Variants in C2orf49 observed in about 807,000 individuals in gnomAD.
C2orf49 encodes the protein tRNA-splicing ligase complex subunit ASW.
Under a neutral mutation model 20.6 loss-of-function variants are expected in C2orf49, and 11 were observed. That is an observed-to-expected ratio of 0.53 (90% CI 0.34 to 0.88). The LOEUF is 0.88. Among genes scored for constraint, C2orf49 ranks in the 40% least tolerant of loss-of-function variants. C2orf49 has a pLI of 0.02. For synonymous variants in C2orf49, 134 were observed against 108.5 expected (o/e 1.24, Z -1.46); for missense variants, 289 against 274.2 (o/e 1.05, Z -0.38).
chr2:105,364,981 C>T, the C2orf49 span, among the ~76,000 whole-genome samples: 10 of 152,172 alleles, frequency 6.6e-5, no homozygotes, highest in African/African-American at 1.7e-4. Flanking sequence ...ACACCAAACA[C>T]GCTTGGTTGC....
chr2:105,343,682 T>C (rs1679734710), intron 3 of C2orf49, among the ~76,000 whole-genome samples: 1 of 152,208 alleles, frequency 6.6e-6, no homozygotes, highest in African/African-American at 2.4e-5. Context: ...TTTTAAGATT[T>C]ACCACTTGCC....
At chr2:105,381,453 C>T in the C2orf49 span, among the ~76,000 whole-genome samples, 1 of 152,108 alleles carries the variant, frequency 6.6e-6, no homozygotes, top group Non-Finnish European at 1.5e-5. Context: ...CTTCGCGCAG[C>T]TTGTCAAAGG....
chr2:105,365,120 A>T, the C2orf49 span, among the ~76,000 whole-genome samples: 1 of 152,158 alleles, frequency 6.6e-6, no homozygotes, highest in Non-Finnish European at 1.5e-5. Context: ...GCCTCTGAGC[A>T]TAGCATGACT....
At chr2:105,362,750 C>G in the C2orf49 span, among the ~76,000 whole-genome samples, 2 of 152,188 alleles carry the variant, frequency 1.3e-5, no homozygotes, top group African/African-American at 4.8e-5. Context: ...AGTCCAGAAG[C>G]CTGGTCTGCC....
chr2:105,361,329 G>A, the C2orf49 span: 3 of 1,614,122 alleles, frequency 1.9e-6, no homozygotes, highest in South Asian at 3.3e-5. Context: ...GTCCCTCTCT[G>A]TGAGGAAGCC....
chr2:105,371,392 A>C, the C2orf49 span, among the ~76,000 whole-genome samples: 85 of 152,196 alleles, frequency 5.6e-4, no homozygotes, highest in Non-Finnish European at 1.1e-3. Context: ...CAATAGACAC[A>C]CCCTGCCTGA....
At position 105,337,560 on chromosome 2, in the gene C2orf49, A is replaced by C. The variant is rs764981596; in HGVS notation, c.-28A>C. ...GCTTCCTTCGCGGGGCTTTGTGGGT[A>C]GCCGACTGGGGTCTCCTGGCGACGA... On this transcript the variant is annotated 5_prime_UTR_variant, in exon 1 of 4. Coordinates refer to ENST00000258457, the MANE Select transcript of C2orf49 (RefSeq NM_024093.3). 3 of 1,613,126 alleles carry C rather than the reference A, an allele frequency of 1.9e-6. No homozygotes were observed. The highest frequency in any genetic ancestry group is 2.5e-6 in the Non-Finnish European group (3 of 1,179,904).
At chr2:105,359,621 C>T in the C2orf49 span, 1 of 152,218 alleles carries the variant, frequency 6.6e-6, no homozygotes, top group Non-Finnish European at 1.5e-5. Flanking sequence ...TACATTGGCT[C>T]CGTGCTTCCC....
the C2orf49 span, among the ~76,000 whole-genome samples, chr2:105,371,990 T>C: frequency 0.71 from 107,934 of 151,934 alleles, 38,768 homozygotes; most frequent in African/African-American, 0.79. Context: ...AGAGGCCTTC[T>C]TGCCTGGAGC....
In C2orf49 at chr2:105,343,236, G is replaced by C. The variant is rs754554168; in HGVS notation, c.642+13G>C. The C allele has an allele frequency of 3.2e-6, 5 of 1,554,168 alleles. No homozygotes were observed. Among genetic ancestry groups the C allele is most frequent in the Non-Finnish European group, 4.3e-6 (5 of 1,157,214 alleles). Reference sequence around the variant, plus strand: ...GGCAGAGGCCATGGTAAGTATGGGGGTGGTTTCCATGCTGGTAAGTGGTCT... The same window carrying C: ...GGCAGAGGCCATGGTAAGTATGGGGCTGGTTTCCATGCTGGTAAGTGGTCT... On this transcript the variant is annotated intron_variant, in intron 3 of 3. Transcript: ENST00000258457.
the C2orf49 span, among the ~76,000 whole-genome samples, chr2:105,372,351 G>A: frequency 2.6e-5 from 4 of 151,556 alleles, no homozygotes; most frequent in Admixed American, 2.0e-4. Context: ...TCAGCCTCCC[G>A]AGTAGCTGGG....
chr2:105,373,549 G>C, the C2orf49 span: 1 of 1,614,124 alleles, frequency 6.2e-7, no homozygotes, highest in Non-Finnish European at 8.5e-7. Flanking sequence ...AGAAAGGAGT[G>C]CCTCCTGACC....
At chr2:105,363,577 AGTTT>A in the C2orf49 span, 1 of 1,048,340 alleles carries the variant, frequency 9.5e-7, no homozygotes, top group South Asian at 1.7e-5. Flanking sequence ...AGAAACGTCC[AGTTT>A]GTTAAGTCAC....
chr2:105,342,991 A>T lies in C2orf49; in HGVS notation c.410A>T (p.Asn137Ile). Residue 137 changes from asparagine (N) to isoleucine (I), a missense_variant, in exon 3 of 4, where the codon AAT becomes ATT. By Grantham distance (149) the Asn-to-Ile change is moderately radical. Coordinates refer to ENST00000258457, the MANE Select transcript of C2orf49 (RefSeq NM_024093.3). ...CCCCCGCAGGCAAGCTTTACCAGTA[A>T]TGCCTTTAGAAAATTATCAAATTCC... ...KPPPQASFTSNAFRKLSNSSS... is the reference protein window; with the variant it reads ...KPPPQASFTSIAFRKLSNSSS... 1 of 1,614,240 alleles carries T rather than the reference A, an allele frequency of 6.2e-7. No homozygotes were observed. Among genetic ancestry groups the T allele is most frequent in the East Asian group, 2.2e-5 (1 of 44,888 alleles).
chr2:105,374,133 C>A, the C2orf49 span: 1 of 287,220 alleles, frequency 3.5e-6, no homozygotes, highest in East Asian at 9.0e-5. Context: ...GGAGCCCTGC[C>A]CAACTCAGAT....
chr2:105,373,512 G>A, the C2orf49 span: 205 of 1,607,580 alleles, frequency 1.3e-4, no homozygotes, highest in Admixed American at 9.0e-4. Flanking sequence ...CGTGCACAAG[G>A]CTTGAAGCTA....
At position 105,347,499 on chromosome 2, in the gene C2orf49, G is replaced by A; in HGVS notation, c.*2128G>A. 1 of 152,170 alleles carries A rather than the reference G, an allele frequency of 6.6e-6. No homozygotes were observed. Among genetic ancestry groups the A allele is most frequent in the East Asian group, 1.9e-4 (1 of 5,202 alleles). 9.4% of individuals were successfully genotyped at this position (152,170 alleles called of 1,614,324 possible). ...AGGTTGGTAATAACAGCTGAACTGT[G>A]TAACATTGTTGCTTCAAATTGAAGT... On this transcript the variant is annotated 3_prime_UTR_variant, in exon 4 of 4. Transcript: ENST00000258457.
intron 3 of C2orf49, among the ~76,000 whole-genome samples, chr2:105,344,452 T>G (rs554678417): frequency 5.7e-4 from 87 of 152,134 alleles, no homozygotes; most frequent in Admixed American, 2.6e-3. Context: ...GATATATATA[T>G]ATATAGAGAG....
At chr2:105,356,881 G>C in the C2orf49 span, among the ~76,000 whole-genome samples, 1 of 152,234 alleles carries the variant, frequency 6.6e-6, no homozygotes, top group East Asian at 1.9e-4. Flanking sequence ...TGAGCTTCTT[G>C]AATATGTAGA....
Sources: gnomAD v4.1 joint callset for allele counts (sites outside exome capture counted in the v4.1 genomes callset) on GRCh38, gnomAD v4.1.1 for gene constraint, MANE v1.5 for transcripts, NCBI Gene and HGNC (gene_info 2026-07-23, HGNC 2026-07-21) for gene names.